Variants in ERGIC3 observed in about 807,000 individuals in gnomAD.
ERGIC3 encodes the protein ERGIC and golgi 3, also known as endoplasmic reticulum-Golgi intermediate compartment protein 3.
ERGIC3 carries 33 observed loss-of-function variants against 54.7 expected under a neutral mutation model. That is an observed-to-expected ratio of 0.60 (90% CI 0.46 to 0.81). The LOEUF is 0.81. Among genes scored for constraint, ERGIC3 ranks in the 30% least tolerant of loss-of-function variants. The pLI, the probability that ERGIC3 is intolerant of heterozygous loss-of-function variation, is 0.00. For synonymous variants in ERGIC3, 186 were observed against 189.8 expected (o/e 0.98, Z 0.16); for missense variants, 399 against 488.4 (o/e 0.82, Z 1.73).
intron 8 of ERGIC3, among the ~76,000 whole-genome samples, chr20:35,555,329 A>G (rs1479177341): frequency 6.6e-6 from 1 of 152,104 alleles, no homozygotes; most frequent in Admixed American, 6.5e-5. Context: ...AGGCGGGAGC[A>G]TGGCCCTTCT....
rs765997243 is a variant in ERGIC3, at chr20:35,542,988, C to A, written c.367+47C>A. 8.1e-6 allele frequency: 13 copies of A among 1,611,390 alleles called. No individual in the cohort carries two copies. In the East Asian group the frequency reaches 2.9e-4, roughly 36 times the overall value. ...GTCTCAGATCCCAAAGCTGGATGTA[C>A]CCAAGCCTATCTGCTAGCAAGTGAA... is the stretch of plus-strand genomic sequence containing the variant. On this transcript the variant is annotated intron_variant, in intron 4 of 12. Transcript: ENST00000348547.
intron 4 of ERGIC3, among the ~76,000 whole-genome samples, chr20:35,545,967 C>G (rs2064646639): frequency 6.6e-6 from 1 of 152,086 alleles, no homozygotes; most frequent in Admixed American, 6.6e-5. Flanking sequence ...ACGGCCTGTA[C>G]CCTGGGTATC....
intron 7 of ERGIC3, among the ~76,000 whole-genome samples, chr20:35,553,033 T>TTTTTTTTTTTTTTTG (rs2064690218): frequency 8.0e-6 from 1 of 125,080 alleles, no homozygotes; most frequent in African/African-American, 3.0e-5. Context: ...TTTTTTTTTT[T>TTTTTTTTTTTTTTTG]TTTTTTTTTT....
chr20:35,543,576 C>T (rs376232041), intron 4 of ERGIC3: 2 of 470,340 alleles, frequency 4.3e-6, no homozygotes, highest in South Asian at 1.6e-5. Context: ...AGTTTCCCAC[C>T]ACAGCAAACT....
chr20:35,547,256 G>C, intron 4 of ERGIC3, 156 bp from the exon 5 acceptor site: 1 of 614,902 alleles, frequency 1.6e-6, no homozygotes, highest in Non-Finnish European at 2.9e-6. Context: ...TGATATGTGT[G>C]TAGAAGTGCT....
At chr20:35,554,321 A>C in intron 7 of ERGIC3, 1 of 1,612,762 alleles carries the variant, frequency 6.2e-7, no homozygotes, top group Non-Finnish European at 8.5e-7. Context: ...CATAGTTCTC[A>C]TTGTGAAGCT....
At chr20:35,551,125 C>T (rs930103315) in intron 7 of ERGIC3, among the ~76,000 whole-genome samples, 3 of 151,918 alleles carry the variant, frequency 2.0e-5, no homozygotes, top group Admixed American at 1.3e-4. Context: ...AACCTTGTCT[C>T]TACTAAAAAA....
At chr20:35,553,887 AT>A (rs2064696961) in intron 7 of ERGIC3, among the ~76,000 whole-genome samples, 2 of 152,140 alleles carry the variant, frequency 1.3e-5, no homozygotes, top group South Asian at 4.1e-4. Context: ...GGTGCTCTGT[AT>A]TTGGAAGGAT....
chr20:35,556,038 C>A lies in ERGIC3; in HGVS notation c.723C>A (p.Asn241Lys), dbSNP rs1310166853. The change falls in exon 9 of 13, where the codon AAC (asparagine) becomes AAA (lysine). Residue 241 changes from asparagine (N) to lysine (K), a missense_variant. Physicochemically the swap from Asn to Lys is moderately conservative, Grantham distance 94 (BLOSUM62 0). Transcript: ENST00000348547. ...CTGGATGGTGTTGTTTACAGATCAA[C>A]ATGACCCACTACATCCAGCACCTGT... is the stretch of plus-strand genomic sequence containing the variant. ...DLQSFGLDNI[N>K]MTHYIQHLSF... The A allele has an allele frequency of 6.2e-7, 1 of 1,614,004 alleles. No individual in the cohort carries two copies. The highest frequency in any genetic ancestry group is 2.2e-5 in the East Asian group (1 of 44,864).
intron 7 of ERGIC3, among the ~76,000 whole-genome samples, chr20:35,553,340 A>G (rs1409321019): frequency 6.6e-6 from 1 of 151,924 alleles, no homozygotes; most frequent in Non-Finnish European, 1.5e-5. Context: ...AGTAAGGAGC[A>G]AGAAAGACTT....
At position 35,548,542 on chromosome 20, in the gene ERGIC3, A is replaced by T; in HGVS notation, c.495A>T (p.Ala165=). 6.2e-7 allele frequency: 1 copy of T among 1,614,200 alleles called. No homozygotes were observed. The highest frequency in any genetic ancestry group is 8.5e-7 in the Non-Finnish European group (1 of 1,180,044). ...ACACCTGTGAAGATGTGCGGGAGGC[A>T]TATCGCCGTAGAGGCTGGGCCTTCA... ...CCNTCEDVRE[A]YRRRGWAFKN... Residue 165 remains alanine, a synonymous_variant, in exon 6 of 13, where the codon GCA becomes GCT. Transcript: ENST00000348547.
chr20:35,544,110 A>G, intron 4 of ERGIC3: 1 of 196,864 alleles, frequency 5.1e-6, no homozygotes, highest in Admixed American at 5.6e-5. Flanking sequence ...GCTGGAGTGC[A>G]GTGGCGCGAT....
chr20:35,556,903 G>A, intron 10 of ERGIC3, 70 bp from the exon 11 acceptor site: 5 of 1,602,636 alleles, frequency 3.1e-6, no homozygotes, highest in Non-Finnish European at 4.3e-6. Flanking sequence ...GAAGGAGCAG[G>A]GGTGGGGCTG....
intron 10 of ERGIC3, chr20:35,556,717 G>T (rs954759965): frequency 1.8e-6 from 1 of 571,298 alleles, no homozygotes; most frequent in Admixed American, 3.1e-5. Context: ...CTGGACCCCC[G>T]TGAGAACACC....
rs559312651 is a variant in ERGIC3 at position 35,542,081 on chromosome 20, C to G, written c.-17C>G. 1.3e-6 allele frequency: 2 copies of G among 1,515,854 alleles called. No homozygotes were observed. Among genetic ancestry groups the G allele is most frequent in the Non-Finnish European group, 8.8e-7 (1 of 1,135,422 alleles). The allele number at this position is 1,515,854 out of a possible 1,614,324, so 93.9% of individuals were successfully genotyped here. A position where few individuals can be genotyped will look rare whatever the true frequency, so the allele number is the denominator to read the frequency against. On this transcript the variant is annotated 5_prime_UTR_variant, in exon 1 of 13. Coordinates refer to ENST00000348547, the MANE Select transcript of ERGIC3 (RefSeq NM_015966.3). Reference sequence around the variant, plus strand: ...GTAGGGGCGGGCCGGCTGGCGTCCCCTTTCCGGCCGGTCCCCATGGAGGCG... The same window carrying G: ...GTAGGGGCGGGCCGGCTGGCGTCCCGTTTCCGGCCGGTCCCCATGGAGGCG...
chr20:35,547,656 G>A lies in ERGIC3; in HGVS notation c.461+151G>A, dbSNP rs1350878691. The stretch of plus-strand genomic sequence containing the variant: ...CTCTGTCATTGATCCTGGTGCAAGC[G>A]ACTGAGGCTTTGTAACCAGGCCCTA... On this transcript the variant is annotated intron_variant, in intron 5 of 12. Transcript: ENST00000348547. 7.4e-6 allele frequency: 5 copies of A among 673,080 alleles called. No individual in the cohort carries two copies. The East Asian group carries it at 8.3e-5, about 11-fold the overall frequency. The allele number at this position is 673,080 out of a possible 1,614,324, so 41.7% of individuals were successfully genotyped here.
intron 4 of ERGIC3, 49 bp from the exon 5 acceptor site, chr20:35,547,363 T>G (rs779144737): frequency 2.0e-6 from 3 of 1,478,536 alleles, no homozygotes; most frequent in Admixed American, 3.3e-5. Flanking sequence ...GCCACCGATT[T>G]CACTGTGTCT....
intron 7 of ERGIC3, chr20:35,554,446 A>G: frequency 1.9e-6 from 3 of 1,603,602 alleles, no homozygotes; most frequent in Non-Finnish European, 2.6e-6. Context: ...CTGCCCTACT[A>G]GAATGGCGGG....
Position 35,557,242 on chromosome 20 carries a change from G to A in ERGIC3, c.1065G>A (p.Met355Ile). Reference sequence around the variant, plus strand: ...GTGTGTGCGCCATCATTGGGGGCATGTTCACAGGTAAGAGGCCCAGGGCGT... The same window carrying A: ...GTGTGTGCGCCATCATTGGGGGCATATTCACAGGTAAGAGGCCCAGGGCGT... ...LTGVCAIIGGMFTVAGLIDSL... is the reference protein window; with the variant it reads ...LTGVCAIIGGIFTVAGLIDSL... Residue 355 changes from methionine to isoleucine, a missense_variant, in exon 12 of 13, where the codon ATG becomes ATA. By Grantham distance (10) the Met-to-Ile change is conservative (BLOSUM62 1). Transcript: ENST00000348547. The A allele has an allele frequency of 6.2e-7, 1 of 1,614,170 alleles. No individual in the cohort carries two copies. Among genetic ancestry groups the A allele is most frequent in the Non-Finnish European group, 8.5e-7 (1 of 1,180,024 alleles).
Sources: gnomAD v4.1 joint callset for allele counts (sites outside exome capture counted in the v4.1 genomes callset) on GRCh38, gnomAD v4.1.1 for gene constraint, MANE v1.5 for transcripts, NCBI Gene and HGNC (gene_info 2026-07-23, HGNC 2026-07-21) for gene names.